GPC6: variants seen among roughly 807,000 people sequenced by gnomAD.
GPC6 encodes glypican 6.
Under a neutral mutation model 55.2 loss-of-function variants are expected in GPC6, and 14 were observed. The observed-to-expected ratio is 0.25, with a 90% CI of 0.17 to 0.40. GPC6 has a LOEUF of 0.40. Among genes scored for constraint, GPC6 ranks in the 10% least tolerant of loss-of-function variants. The pLI is 1.00. For synonymous variants in GPC6, 278 were observed against 259.6 expected (o/e 1.07, Z -0.68); for missense variants, 641 against 708.5 (o/e 0.90, Z 1.08).
chr13:93,621,826 A>G lies in GPC6; in HGVS notation c.319+76405A>G, dbSNP rs933664100. 5.3e-5 allele frequency among the ~76,000 whole-genome samples: 8 copies of G among 152,222 alleles called. No homozygotes were observed. The East Asian group carries it at 1.4e-3, about 26-fold the overall frequency. On this transcript the variant is annotated intron_variant, in intron 2 of 8. Coordinates refer to ENST00000377047, the MANE Select transcript of GPC6 (RefSeq NM_005708.5). Reference sequence around the variant, plus strand: ...GTAATGGTCAAGTCAGGTTATTTCAAGTGTTCATCACCCTGAATATTTACC... The same window carrying G: ...GTAATGGTCAAGTCAGGTTATTTCAGGTGTTCATCACCCTGAATATTTACC...
In GPC6 at chr13:94,128,665, G is replaced by T. The variant is rs569246945; in HGVS notation, c.877+100771G>T. Among the ~76,000 whole-genome samples, 9 of 152,202 alleles carry T rather than the reference G, an allele frequency of 5.9e-5. No individual in the cohort carries two copies. The East Asian group carries it at 1.7e-3, about 30-fold the overall frequency. ...ACTCGCTGGCCAGGACAATTTACTT[G>T]GCCCTATCTAACCACAAGAGAGCCA... On this transcript the variant is annotated intron_variant, in intron 4 of 8. Transcript: ENST00000377047.
chr13:93,647,141 C>A (rs1184896782), intron 2 of GPC6, among the ~76,000 whole-genome samples: 12 of 152,068 alleles, frequency 7.9e-5, no homozygotes, highest in Non-Finnish European at 1.5e-5. Context: ...AGCTTAAAAT[C>A]TGGGTTAATT....
chr13:93,304,616 C>A, intron 1 of GPC6, among the ~76,000 whole-genome samples: 1 of 152,194 alleles, frequency 6.6e-6, no homozygotes. Context: ...ATTATTCTGA[C>A]ACATGTTAAT....
intron 4 of GPC6, among the ~76,000 whole-genome samples, chr13:94,243,228 T>TA (rs1168943445): frequency 1.3e-5 from 2 of 152,110 alleles, no homozygotes; most frequent in Non-Finnish European, 2.9e-5. Flanking sequence ...AATACTGATT[T>TA]AAAATAAAGC....
intron 3 of GPC6, among the ~76,000 whole-genome samples, chr13:94,016,572 T>A (rs1452444845): frequency 6.6e-6 from 1 of 152,218 alleles, no homozygotes; most frequent in Admixed American, 6.5e-5. Context: ...ATTGTTTGAC[T>A]GTTTGGGCAT....
At chr13:94,005,443 C>T (rs1264382318) in intron 3 of GPC6, among the ~76,000 whole-genome samples, 2 of 152,182 alleles carry the variant, frequency 1.3e-5, no homozygotes, top group Non-Finnish European at 2.9e-5. Flanking sequence ...AGTACTTATT[C>T]AAGTCTTTCA....
At chr13:94,268,157 G>C (rs748787484) in intron 4 of GPC6, among the ~76,000 whole-genome samples, 3 of 152,090 alleles carry the variant, frequency 2.0e-5, no homozygotes, top group Non-Finnish European at 2.9e-5. Flanking sequence ...AGTTCCAAGA[G>C]GTACTTAGGG....
intron 1 of GPC6, among the ~76,000 whole-genome samples, chr13:93,537,765 G>C (rs1882118049): frequency 6.6e-6 from 1 of 152,004 alleles, no homozygotes. Flanking sequence ...CATTCTTACA[G>C]ATGAGGAATT....
rs9516338 is a variant in GPC6 at position 94,067,504 on chromosome 13, G to A, written c.877+39610G>A. ...TCTCTCTCTCTCTCTCTCTCTCTCTGTGTCTATGTATAGAGATGCAATATG... is the reference window on the plus strand; with the variant it reads ...TCTCTCTCTCTCTCTCTCTCTCTCTATGTCTATGTATAGAGATGCAATATG... On this transcript the variant is annotated intron_variant, in intron 4 of 8. Coordinates refer to ENST00000377047, the MANE Select transcript of GPC6 (RefSeq NM_005708.5). 4.5e-3 allele frequency among the ~76,000 whole-genome samples: 674 copies of A among 149,856 alleles called. 2 individuals are homozygous for A. Among genetic ancestry groups the A allele is most frequent in the South Asian group, 0.011 (52 of 4,758 alleles).
rs1388944979 is a variant in GPC6, at chr13:94,406,253, T to C, written c.*3036T>C. ...GAAATACACGTCTGTAATTGGTATA[T>C]ATTATACTTTGTATGTGTCACAACA... On this transcript the variant is annotated 3_prime_UTR_variant, in exon 9 of 9. Coordinates refer to ENST00000377047, the MANE Select transcript of GPC6 (RefSeq NM_005708.5). 1 of 152,172 alleles carries C rather than the reference T, an allele frequency of 6.6e-6. No homozygotes were observed. The highest frequency in any genetic ancestry group is 1.9e-4 in the East Asian group (1 of 5,206). The allele number at this position is 152,172 out of a possible 1,614,324, so 9.4% of individuals were successfully genotyped here. A position where few individuals can be genotyped will look rare whatever the true frequency, so the allele number is the denominator to read the frequency against.
intron 4 of GPC6, among the ~76,000 whole-genome samples, chr13:94,163,164 C>A (rs1888227666): frequency 1.3e-5 from 2 of 152,114 alleles, no homozygotes; most frequent in African/African-American, 2.4e-5. Context: ...CATCAGTTTT[C>A]TTTTGTGCTA....
At chr13:93,840,076 G>A (rs1207865428) in intron 3 of GPC6, among the ~76,000 whole-genome samples, 2 of 152,074 alleles carry the variant, frequency 1.3e-5, no homozygotes, top group Admixed American at 6.6e-5. Context: ...GTAGAATTCT[G>A]CTATGAATCT....
chr13:94,203,130 TTATATTTAGTGAGTC>T (rs1282377115), intron 4 of GPC6, among the ~76,000 whole-genome samples: 18 of 131,462 alleles, frequency 1.4e-4, no homozygotes, highest in African/African-American at 5.2e-4. Flanking sequence ...ATAGTGAGTC[TTATATTTAGTGAGTC>T]TTATATTTAT....
chr13:93,866,602 G>A (rs987571170), intron 3 of GPC6, among the ~76,000 whole-genome samples: 9 of 151,698 alleles, frequency 5.9e-5, no homozygotes, highest in African/African-American at 2.4e-5. Flanking sequence ...ATTGTCTTTA[G>A]CAAACTAACA....
intron 4 of GPC6, among the ~76,000 whole-genome samples, chr13:94,241,452 C>T (rs1412934): frequency 0.42 from 63,779 of 151,986 alleles, 13,972 homozygotes; most frequent in African/African-American, 0.5. Context: ...TCTTATGGGA[C>T]TCATTATACA....
chr13:94,238,404 A>G (rs988049129), intron 4 of GPC6, among the ~76,000 whole-genome samples: 1 of 152,136 alleles, frequency 6.6e-6, no homozygotes, highest in Non-Finnish European at 1.5e-5. Context: ...AGCTGGAGAA[A>G]AAAGTAGACT....
intron 1 of GPC6, among the ~76,000 whole-genome samples, chr13:93,290,659 T>A (rs896078372): frequency 1.3e-5 from 2 of 152,128 alleles, no homozygotes. Flanking sequence ...ACCAGACTTC[T>A]GTGCATAAAG....
intron 1 of GPC6, among the ~76,000 whole-genome samples, chr13:93,499,327 T>A (rs762351071): frequency 2.0e-5 from 3 of 152,200 alleles, no homozygotes; most frequent in Non-Finnish European, 4.4e-5. Flanking sequence ...GAGTTTCTGT[T>A]GTCATAAAAG....
intron 2 of GPC6, among the ~76,000 whole-genome samples, chr13:93,813,823 T>G (rs1475180942): frequency 2.6e-5 from 4 of 152,012 alleles, no homozygotes; most frequent in Non-Finnish European, 5.9e-5. Flanking sequence ...TGAGCAAAAC[T>G]TTTATACTAC....
Sources: gnomAD v4.1 joint callset for allele counts (sites outside exome capture counted in the v4.1 genomes callset) on GRCh38, gnomAD v4.1.1 for gene constraint, MANE v1.5 for transcripts, NCBI Gene and HGNC (gene_info 2026-07-23, HGNC 2026-07-21) for gene names.